SUGP2: variants seen among roughly 807,000 people sequenced by gnomAD.
SUGP2 encodes SURP and G-patch domain-containing protein 2.
SUGP2 carries 24 observed loss-of-function variants against 90.5 expected under a neutral mutation model. That is an observed-to-expected ratio of 0.27 (90% CI 0.19 to 0.37). The LOEUF (loss-of-function observed/expected upper bound fraction) is 0.37, where lower values mean the gene tolerates loss of function less well. SUGP2 is among the 10% of genes least tolerant of loss of function. The pLI is 1.00. For missense variants in SUGP2, 1,233 were observed against 1,363.3 expected (o/e 0.90, Z 1.51); for synonymous variants, 473 against 513.4 (o/e 0.92, Z 1.06).
chr19:19,005,109 G>A (rs113131306), intron 6 of SUGP2, among the ~76,000 whole-genome samples: 60 of 152,274 alleles, frequency 3.9e-4, no homozygotes, highest in African/African-American at 1.4e-3. Flanking sequence ...GGTGCCCCCC[G>A]AGGAGGCTCC....
At chr19:19,015,611 C>G (rs1291334642) in intron 4 of SUGP2, among the ~76,000 whole-genome samples, 3 of 152,146 alleles carry the variant, frequency 2.0e-5, no homozygotes. Flanking sequence ...TCAAGTGATT[C>G]TTGTGCCTCG....
intron 2 of SUGP2, among the ~76,000 whole-genome samples, chr19:19,030,709 C>T (rs1394885296): frequency 6.6e-6 from 1 of 152,110 alleles, no homozygotes; most frequent in Non-Finnish European, 1.5e-5. Context: ...TGGCTTGAGC[C>T]TAGGAGTTCA....
At chr19:19,017,640 C>G (rs1245527611) in intron 4 of SUGP2, among the ~76,000 whole-genome samples, 1 of 152,040 alleles carries the variant, frequency 6.6e-6, no homozygotes, top group Non-Finnish European at 1.5e-5. Context: ...GGTGTGGTGG[C>G]GGGCACCTGT....
At chr19:19,014,858 T>C (rs1229370491) in intron 4 of SUGP2, among the ~76,000 whole-genome samples, 1 of 150,828 alleles carries the variant, frequency 6.6e-6, no homozygotes, top group East Asian at 1.9e-4. Context: ...ATGTCAATGG[T>C]CATGCATAAA....
rs141240686 is a variant in SUGP2 at position 19,025,513 on chromosome 19, C to T, written c.835G>A (p.Asp279Asn). Reference sequence around the variant, plus strand: ...CCTGGGTTTGTCCCCAGGGTCACATCAGGACTTGGAGTGTTTTTCTGGATT... The same window carrying T: ...CCTGGGTTTGTCCCCAGGGTCACATTAGGACTTGGAGTGTTTTTCTGGATT... ...NQIQKNTPSP[D>N]VTLGTNPGTE... The change falls in exon 3 of 11, where the codon GAT becomes AAT. Residue 279 changes from aspartate (D) to asparagine (N), a missense_variant. Asp to Asn is a conservative substitution (Grantham distance 23). Transcript: ENST00000452918. The T allele has an allele frequency of 1.9e-6, 3 of 1,613,996 alleles. No homozygotes were observed. The African/African-American group carries it at 4.0e-5, about 22-fold the overall frequency.
intron 4 of SUGP2, among the ~76,000 whole-genome samples, chr19:19,018,452 C>T (rs2058584029): frequency 1.3e-5 from 2 of 152,024 alleles, no homozygotes; most frequent in South Asian, 4.1e-4. Flanking sequence ...CTTTGGGAGG[C>T]TGAGGCAGGT....
In SUGP2 at chr19:18,994,263, T is replaced by C. The variant is rs1164211383; in HGVS notation, c.*103A>G. 6.1e-6 allele frequency: 9 copies of C among 1,481,852 alleles called. No homozygotes were observed. The African/African-American group carries it at 1.1e-4, about 18-fold the overall frequency. 91.8% of individuals were successfully genotyped at this position (1,481,852 alleles called of 1,614,324 possible). On this transcript the variant is annotated intron_variant, in intron 10 of 10. Transcript: ENST00000452918. ...TTTGTGATTTTTTTTGTGTGTGGCA[T>C]TTTTGGGGGAGCAGGGAACATCAAC...
In SUGP2 at chr19:18,991,051, G is replaced by A. The variant is rs1221775554; in HGVS notation, c.*2690C>T. 6.6e-6 allele frequency: 1 copy of A among 152,044 alleles called. No individual in the cohort carries two copies. Among genetic ancestry groups the A allele is most frequent in the Non-Finnish European group, 1.5e-5 (1 of 68,038 alleles). 9.4% of individuals were successfully genotyped at this position (152,044 alleles called of 1,614,324 possible). A position where few individuals can be genotyped will look rare whatever the true frequency, so the allele number is the denominator to read the frequency against. ...CCAAAAACACTACAATTCTCTAAGT[G>A]ATTTCCAGTGATGGAAACAAGCCAG... is the stretch of plus-strand genomic sequence containing the variant. On this transcript the variant is annotated 3_prime_UTR_variant, in exon 11 of 11. Coordinates refer to ENST00000452918, the MANE Select transcript of SUGP2 (RefSeq NM_001017392.5).
At chr19:19,004,131 G>T in intron 7 of SUGP2, 37 bp downstream of exon 7, 1 of 1,479,260 alleles carries the variant, frequency 6.8e-7, no homozygotes, top group Non-Finnish European at 9.1e-7. Context: ...ACCAAGAACT[G>T]TGCTAGAGGC....
rs1482725905 is a variant in SUGP2 at position 19,025,134 on chromosome 19, A to G, written c.1214T>C (p.Met405Thr). 6.2e-7 allele frequency: 1 copy of G among 1,613,212 alleles called. No individual in the cohort carries two copies. The highest frequency in any genetic ancestry group is 1.1e-5 in the South Asian group (1 of 90,790). Residue 405 changes from methionine (M) to threonine (T), a missense_variant, in exon 3 of 11, where the codon ATG becomes ACG. Met to Thr is a moderately conservative substitution (Grantham distance 81). This residue lies in a region of SUGP2 where 55 missense variants were observed against 82.0 expected (regional missense o/e 0.67). Coordinates refer to ENST00000452918, the MANE Select transcript of SUGP2 (RefSeq NM_001017392.5). ...CTTCACAGCACCTTTGTCTAAAAGC[A>G]TGTTTAAAAACTCATTATCAACTCT... is the stretch of plus-strand genomic sequence containing the variant. ...TPRVDNEFLN[M>T]LLDKGAVKTK... is the part of the protein sequence containing the mutation.
At chr19:19,019,989 T>TAAAA (rs1159888413) in intron 3 of SUGP2, among the ~76,000 whole-genome samples, 1 of 10,152 alleles carries the variant, frequency 9.9e-5, no homozygotes, top group Non-Finnish European at 2.0e-4. Context: ...TCTGCTAAAA[T>TAAAA]ACAAAAAAAA....
intron 4 of SUGP2, among the ~76,000 whole-genome samples, chr19:19,011,183 C>T (rs1439351838): frequency 1.6e-4 from 24 of 150,530 alleles, no homozygotes; most frequent in Non-Finnish European, 7.4e-5. Flanking sequence ...TTACTTTTTT[C>T]ATCATTTTCC....
chr19:18,994,338 G>T (rs752187193), intron 10 of SUGP2, 28 bp downstream of exon 10: 13 of 1,604,982 alleles, frequency 8.1e-6, no homozygotes. Flanking sequence ...GAGGGCAGAC[G>T]GCCTTACACA....
chr19:19,017,601 G>A (rs1300744898), intron 4 of SUGP2, among the ~76,000 whole-genome samples: 8 of 151,734 alleles, frequency 5.3e-5, no homozygotes, highest in Non-Finnish European at 1.2e-4. Context: ...GTAAAACCCC[G>A]TCTCTACTAA....
intron 1 of SUGP2, 101 bp from the exon 2 acceptor site, chr19:19,031,183 G>A (rs1041193795): frequency 1.6e-5 from 21 of 1,280,842 alleles, no homozygotes; most frequent in Middle Eastern, 2.1e-4. Flanking sequence ...CGAGGTGGGC[G>A]GATCACCTGA....
At chr19:19,027,685 C>G (rs572546195) in intron 2 of SUGP2, among the ~76,000 whole-genome samples, 3 of 151,460 alleles carry the variant, frequency 2.0e-5, no homozygotes, top group Non-Finnish European at 4.4e-5. Flanking sequence ...GCTGGAGTGC[C>G]GGAGTGCAAG....
intron 6 of SUGP2, among the ~76,000 whole-genome samples, chr19:19,005,801 A>G (rs1242723131): frequency 2.0e-5 from 3 of 151,544 alleles, no homozygotes; most frequent in Non-Finnish European, 2.9e-5. Context: ...CAGCCACCCA[A>G]GTAGTTAGGA....
rs757863123 is a variant in SUGP2, at chr19:18,994,346, A to C, written c.*20T>G. The C allele has an allele frequency of 5.6e-6, 9 of 1,613,312 alleles. No individual in the cohort carries two copies. The highest frequency in any genetic ancestry group is 7.6e-6 in the Non-Finnish European group (9 of 1,179,516). ...CGCCAGCGAGGGCAGACGGCCTTACACACTGGCCTGTGAACATACCTATTT... is the reference window on the plus strand; with the variant it reads ...CGCCAGCGAGGGCAGACGGCCTTACCCACTGGCCTGTGAACATACCTATTT... On this transcript the variant is annotated intron_variant, in intron 10 of 10. Transcript: ENST00000452918.
intron 3 of SUGP2, among the ~76,000 whole-genome samples, chr19:19,024,357 G>A (rs968043394): frequency 6.6e-6 from 1 of 152,032 alleles, no homozygotes. Context: ...GTGATCTGCC[G>A]CCTCAGCCTC....
Sources: allele counts gnomAD v4.1 joint callset (sites outside exome capture counted in the v4.1 genomes callset), GRCh38; gene constraint gnomAD v4.1.1; regional missense constraint gnomAD v4.1.1; transcripts MANE v1.5; gene names NCBI Gene and HGNC (gene_info 2026-07-23, HGNC 2026-07-21).